The following OPA3 variants were observed in gnomAD, a reference collection of about 807,000 sequenced individuals.
OPA3 encodes the protein outer mitochondrial membrane lipid metabolism regulator OPA3, also known as optic atrophy 3 protein.
Under a neutral mutation model 4.0 loss-of-function variants are expected in OPA3, and 6 were observed. That is an observed-to-expected ratio of 1.51 (90% CI 0.83 to 2.99). OPA3 has a LOEUF of 2.99. Among genes scored for constraint, OPA3 ranks in the 30% most tolerant of loss-of-function variants. OPA3 has a pLI of 0.00. For synonymous variants in OPA3, 105 were observed against 117.1 expected (o/e 0.90, Z 0.67); for missense variants, 235 against 256.2 (o/e 0.92, Z 0.56).
At chr19:45,570,233 G>C (rs1333788754) in intron 1 of OPA3, among the ~76,000 whole-genome samples, 1 of 152,196 alleles carries the variant, frequency 6.6e-6, no homozygotes, top group South Asian at 2.1e-4. Context: ...ATTTAGCCAT[G>C]AGTACATGAG....
chr19:45,565,017 G>A (rs937907079), intron 1 of OPA3, among the ~76,000 whole-genome samples: 2 of 151,390 alleles, frequency 1.3e-5, no homozygotes, highest in Non-Finnish European at 2.9e-5. Flanking sequence ...ACGAGGTCAA[G>A]AGATCGAGAC....
Position 45,584,759 on chromosome 19 carries a change from C to T in OPA3, c.6G>A (p.Val2=), listed in dbSNP as rs2122529689. The change falls in exon 1 of 2, where the codon GTG becomes GTA. Residue 2 remains valine, a synonymous_variant. Coordinates refer to ENST00000263275, the MANE Select transcript of OPA3 (RefSeq NM_025136.4). The stretch of plus-strand genomic sequence containing the variant: ...GCTTCGCCATAGGGAACGCGCCCAC[C>T]ACCATCTTGGCGGTCTCACAGGGCA... M[V]VGAFPMAKLL... 1.2e-6 allele frequency: 2 copies of T among 1,613,904 alleles called. No homozygotes were observed. Among genetic ancestry groups the T allele is most frequent in the East Asian group, 2.2e-5 (1 of 44,874 alleles).
chr19:45,538,918 A>G (rs747942352), intron 1 of OPA3, among the ~76,000 whole-genome samples: 37 of 152,176 alleles, frequency 2.4e-4, no homozygotes, highest in Admixed American at 5.2e-4. Context: ...GGGTAATTAT[A>G]AAGGAAAGAG....
chr19:45,570,202 T>C (rs917078810), intron 1 of OPA3, among the ~76,000 whole-genome samples: 3 of 152,200 alleles, frequency 2.0e-5, no homozygotes, highest in Non-Finnish European at 4.4e-5. Context: ...AAAAGATCCC[T>C]GTTCAGAAAT....
chr19:45,568,755 A>G (rs536909908), intron 1 of OPA3, among the ~76,000 whole-genome samples: 1 of 152,080 alleles, frequency 6.6e-6, no homozygotes, highest in Non-Finnish European at 1.5e-5. Flanking sequence ...CTGGCCAATT[A>G]GGGCACTGCT....
chr19:45,541,601 G>A (rs1303016558), downstream of OPA3, among the ~76,000 whole-genome samples: 2 of 152,114 alleles, frequency 1.3e-5, no homozygotes, highest in Non-Finnish European at 2.9e-5. Flanking sequence ...GTCTCAGTCT[G>A]TTAGCCAGGC....
intron 1 of OPA3, among the ~76,000 whole-genome samples, chr19:45,565,678 G>T (rs1052479974): frequency 3.9e-5 from 6 of 152,000 alleles, no homozygotes; most frequent in Non-Finnish European, 7.4e-5. Flanking sequence ...TAGAGACAGG[G>T]TTTCACCATA....
intron 1 of OPA3, among the ~76,000 whole-genome samples, chr19:45,537,622 TTTTTC>T (rs1325818822): frequency 2.6e-5 from 4 of 151,822 alleles, no homozygotes; most frequent in Admixed American, 6.6e-5. Context: ...GGATGGTATC[TTTTTC>T]TTTTCTTTTA....
At chr19:45,558,659 T>C (rs1238853144) in intron 1 of OPA3, among the ~76,000 whole-genome samples, 1 of 152,014 alleles carries the variant, frequency 6.6e-6, no homozygotes. Context: ...CGGCCTGCCC[T>C]TTCTCCGCTC....
chr19:45,569,185 G>A (rs939377540), intron 1 of OPA3, among the ~76,000 whole-genome samples: 8 of 152,238 alleles, frequency 5.3e-5, no homozygotes, highest in South Asian at 2.1e-4. Context: ...AGGGCCGAGC[G>A]CTGTGGCTCA....
At chr19:45,529,311 G>A in exon 2 of OPA3, 1 of 1,614,154 alleles carries the variant, frequency 6.2e-7, no homozygotes. Flanking sequence ...CCAGCATCAG[G>A]CAGCTGCAGG....
At position 45,546,688 on chromosome 19, in the gene OPA3, C is replaced by T. The variant is rs548194990; in HGVS notation, c.*6826G>A. 27 of 152,112 alleles carry T rather than the reference C, an allele frequency of 1.8e-4. No individual in the cohort carries two copies. Among genetic ancestry groups the T allele is most frequent in the African/African-American group, 5.3e-4 (22 of 41,446 alleles). The allele number at this position is 152,112 out of a possible 1,614,324, so 9.4% of individuals were successfully genotyped here. Reference sequence around the variant, plus strand: ...TTTTTTGTTTTGTTTTGTTTTGAGACCAAGTCTCACTCTGGCACCTAGGCT... The same window carrying T: ...TTTTTTGTTTTGTTTTGTTTTGAGATCAAGTCTCACTCTGGCACCTAGGCT... On this transcript the variant is annotated 3_prime_UTR_variant, in exon 2 of 2. Coordinates refer to ENST00000263275, the MANE Select transcript of OPA3 (RefSeq NM_025136.4).
chr19:45,553,682 G>T lies in OPA3; in HGVS notation c.372C>A (p.Asp124Glu), dbSNP rs755348694. 4.4e-6 allele frequency: 7 copies of T among 1,605,360 alleles called. No individual in the cohort carries two copies. In the African/African-American group the frequency reaches 9.3e-5, roughly 21 times the overall value. The change falls in exon 2 of 2, where the codon GAC becomes GAA. Residue 124 changes from aspartate (D) to glutamate (E), a missense_variant. Asp to Glu is a conservative substitution (Grantham distance 45). Coordinates refer to ENST00000263275, the MANE Select transcript of OPA3 (RefSeq NM_025136.4). ...EQRAAWNALR[D>E]EVGHLALALE... Reference sequence around the variant, plus strand: ...GCGCCAGCGCCAGGTGGCCCACCTCGTCCCGCAGCGCGTTCCAGGCAGCAC... The same window carrying T: ...GCGCCAGCGCCAGGTGGCCCACCTCTTCCCGCAGCGCGTTCCAGGCAGCAC...
chr19:45,584,420 C>G lies in OPA3; in HGVS notation c.142+203G>C, dbSNP rs560090853. The stretch of plus-strand genomic sequence containing the variant: ...GGCATTTCCTACTCGCGTGGTGGCT[C>G]CTTGACCCGCCCCTTACGCCCCGCC... On this transcript the variant is annotated intron_variant, in intron 1 of 1. Transcript: ENST00000263275. 4.6e-5 allele frequency: 45 copies of G among 985,368 alleles called. No individual in the cohort carries two copies. The Middle Eastern group carries it at 4.2e-3, about 92-fold the overall frequency. 61.0% of individuals were successfully genotyped at this position (985,368 alleles called of 1,614,324 possible).
intron 1 of OPA3, among the ~76,000 whole-genome samples, chr19:45,536,768 C>G (rs1222951514): frequency 1.3e-5 from 2 of 152,156 alleles, no homozygotes; most frequent in Non-Finnish European, 2.9e-5. Flanking sequence ...ACGAAAGTGA[C>G]ACTGTAGTGC....
At chr19:45,554,563 T>C (rs1054963607) in intron 1 of OPA3, among the ~76,000 whole-genome samples, 4 of 152,160 alleles carry the variant, frequency 2.6e-5, no homozygotes, top group African/African-American at 7.2e-5. Context: ...ACTCCTTCCT[T>C]GCCTAGCTGC....
Position 45,550,029 on chromosome 19 carries a change from G to C in OPA3, c.*3485C>G. ...AAAATTAGCCAGGCGTGGGTGGTGG[G>C]CACATGTAATCCCAGCTACTTCGGA... On this transcript the variant is annotated 3_prime_UTR_variant, in exon 2 of 2. Transcript: ENST00000263275. 1 of 467,332 alleles carries C rather than the reference G, an allele frequency of 2.1e-6. No individual in the cohort carries two copies. Among genetic ancestry groups the C allele is most frequent in the Non-Finnish European group, 2.8e-6 (1 of 356,768 alleles). The allele number at this position is 467,332 out of a possible 1,614,324, so 28.9% of individuals were successfully genotyped here. A position where few individuals can be genotyped will look rare whatever the true frequency, so the allele number is the denominator to read the frequency against.
intron 1 of OPA3, among the ~76,000 whole-genome samples, chr19:45,559,393 CTTTCTTTTTTTTTTTTTT>C (rs1349292269): frequency 1.0e-5 from 1 of 97,824 alleles, no homozygotes; most frequent in Admixed American, 1.4e-4. Context: ...CCCTCTTTTT[CTTTCTTTTTTTTTTTTTT>C]TTTTTTTTGA....
At chr19:45,531,674 A>G (rs1160588840) in intron 1 of OPA3, among the ~76,000 whole-genome samples, 4 of 152,112 alleles carry the variant, frequency 2.6e-5, no homozygotes, top group Non-Finnish European at 5.9e-5. Flanking sequence ...CCACCTTCAC[A>G]TTAGATGAGA....
Sources: gnomAD v4.1 joint callset for allele counts (sites outside exome capture counted in the v4.1 genomes callset) on GRCh38, gnomAD v4.1.1 for gene constraint, MANE v1.5 for transcripts, NCBI Gene and HGNC (gene_info 2026-07-23, HGNC 2026-07-21) for gene names.